PLAAT3: variants seen among roughly 807,000 people sequenced by gnomAD.
The protein encoded by PLAAT3 is Ca-independent phospholipase A1/2.
In PLAAT3, 21 loss-of-function variants were observed where a neutral mutation model predicts 16.7. The ratio of observed to expected loss-of-function variants is 1.26; its 90% CI spans 0.89 to 1.81. PLAAT3 has a LOEUF of 1.81. Ranked by LOEUF, PLAAT3 falls within the 40% of genes most tolerant of loss-of-function variation. The probability of loss-of-function intolerance (pLI) is 0.00; values close to 1 mark genes in which losing one functional copy is unlikely to be tolerated. For synonymous variants in PLAAT3, 76 were observed against 81.7 expected (o/e 0.93, Z 0.38); for missense variants, 219 against 213.7 (o/e 1.02, Z -0.16).
At chr11:63,606,558 C>T (rs1033678765) in intron 2 of PLAAT3, among the ~76,000 whole-genome samples, 19 of 152,054 alleles carry the variant, frequency 1.2e-4, no homozygotes, top group Non-Finnish European at 2.5e-4. Flanking sequence ...GGGAGCTGAG[C>T]GCTGGTGGGG....
intron 4 of PLAAT3, among the ~76,000 whole-genome samples, chr11:63,575,969 G>A (rs558410907): frequency 6.6e-6 from 1 of 152,290 alleles, no homozygotes; most frequent in Admixed American, 6.5e-5. Flanking sequence ...AGAAGGCTTA[G>A]GGGCCTAGAA....
chr11:63,613,305 G>A (rs999327882), intron 2 of PLAAT3, among the ~76,000 whole-genome samples: 2 of 152,054 alleles, frequency 1.3e-5, no homozygotes, highest in African/African-American at 4.8e-5. Context: ...CAGCTACTCG[G>A]TAGGCTGAGG....
intron 4 of PLAAT3, among the ~76,000 whole-genome samples, 190 bp downstream of exon 4, chr11:63,589,910 T>G (rs1938098012): frequency 9.8e-6 from 1 of 101,720 alleles, no homozygotes; most frequent in Non-Finnish European, 1.9e-5. Flanking sequence ...CCGACTACAC[T>G]GATCTGCATT....
At chr11:63,581,443 A>G (rs1237594761) in intron 4 of PLAAT3, among the ~76,000 whole-genome samples, 1 of 152,152 alleles carries the variant, frequency 6.6e-6, no homozygotes, top group African/African-American at 2.4e-5. Flanking sequence ...GGACTGAAAT[A>G]TGCCCTGTCT....
chr11:63,605,008 C>T (rs1938521123), intron 2 of PLAAT3, among the ~76,000 whole-genome samples: 1 of 152,146 alleles, frequency 6.6e-6, no homozygotes, highest in South Asian at 2.1e-4. Context: ...TTGCTTCCTT[C>T]TATTTTTCTA....
In PLAAT3 at chr11:63,574,740, GC is replaced by G. The variant is rs2017635931; in HGVS notation, c.*204del. On this transcript the variant is annotated 3_prime_UTR_variant, in exon 5 of 5. Coordinates refer to ENST00000415826, the MANE Select transcript of PLAAT3 (RefSeq NM_001128203.2). ...AATCCCTGACCAGGAAGACAGCCCG[GC>G]TGTTCCCTGAACAGACTTCACACCA... 1.8e-6 allele frequency: 1 copy of G among 557,808 alleles called. No homozygotes were observed. Among genetic ancestry groups the G allele is most frequent in the South Asian group, 2.3e-5 (1 of 43,976 alleles). 34.6% of individuals were successfully genotyped at this position (557,808 alleles called of 1,614,324 possible).
At chr11:63,586,571 G>A (rs1043250082) in intron 4 of PLAAT3, among the ~76,000 whole-genome samples, 5 of 152,144 alleles carry the variant, frequency 3.3e-5, no homozygotes, top group Admixed American at 1.3e-4. Context: ...TCCCAAGGTT[G>A]TCTTGTACTC....
chr11:63,596,176 C>T (rs1938281872), intron 3 of PLAAT3, among the ~76,000 whole-genome samples: 1 of 136,992 alleles, frequency 7.3e-6, no homozygotes, highest in Non-Finnish European at 1.5e-5. Context: ...GGAGGCAGAG[C>T]TTGCAGTGAG....
rs554615733 is a variant in PLAAT3 at position 63,591,078 on chromosome 11, G to T, written c.119-710C>A. ...GCAGGGAGAGGCAGGCACTGAGTATGATGATTGAAAAAGTGGGGATGGGCT... is the reference window on the plus strand; with the variant it reads ...GCAGGGAGAGGCAGGCACTGAGTATTATGATTGAAAAAGTGGGGATGGGCT... On this transcript the variant is annotated intron_variant, in intron 3 of 4. Coordinates refer to ENST00000415826, the MANE Select transcript of PLAAT3 (RefSeq NM_001128203.2). Among the ~76,000 whole-genome samples, 257 of 152,284 alleles carry T rather than the reference G, an allele frequency of 1.7e-3. 2 individuals carry two copies. The highest frequency in any genetic ancestry group is 2.4e-3 in the Non-Finnish European group (161 of 68,018).
chr11:63,575,052 A>G lies in PLAAT3; in HGVS notation c.388-6T>C, dbSNP rs2017641188. The G allele has an allele frequency of 5.0e-6, 8 of 1,592,792 alleles. No individual in the cohort carries two copies. Among genetic ancestry groups the G allele is most frequent in the Non-Finnish European group, 6.9e-6 (8 of 1,160,798 alleles). On this transcript the variant is annotated splice_region_variant and splice_polypyrimidine_tract_variant and intron_variant, in intron 4 of 4. Transcript: ENST00000415826. ...GCGATGATGACATCTCTGACCTGCA[A>G]CAAAGAAGAGGGTGGGTCACACTCT...
At position 63,590,216 on chromosome 11, in the gene PLAAT3, T is replaced by C. The variant is rs1036918193; in HGVS notation, c.271A>G (p.Lys91Glu). Residue 91 changes from lysine (K) to glutamate (E), a missense_variant, in exon 4 of 5, where the codon AAA becomes GAA. Coordinates refer to ENST00000415826, the MANE Select transcript of PLAAT3 (RefSeq NM_001128203.2). ...AGCTCCTCCGCCCGCTGGATGATTT[T>C]GCTGCAGGGCAGCGGCGAGTACTTG... ...DDKYSPLPCS[K>E]IIQRAEELVG... The C allele has an allele frequency of 1.9e-6, 3 of 1,614,246 alleles. No homozygotes were observed. Among genetic ancestry groups the C allele is most frequent in the Non-Finnish European group, 2.5e-6 (3 of 1,180,028 alleles).
intron 3 of PLAAT3, among the ~76,000 whole-genome samples, chr11:63,592,554 G>A (rs1262902657): frequency 6.6e-6 from 1 of 152,208 alleles, no homozygotes; most frequent in Non-Finnish European, 1.5e-5. Flanking sequence ...TGTGGATGTG[G>A]CAATCCATCA....
intron 3 of PLAAT3, among the ~76,000 whole-genome samples, chr11:63,593,035 C>T (rs1296796693): frequency 6.6e-6 from 1 of 152,132 alleles, no homozygotes; most frequent in Admixed American, 6.6e-5. Flanking sequence ...GCTTGTCATG[C>T]CTTCCCCAAC....
intron 2 of PLAAT3, among the ~76,000 whole-genome samples, chr11:63,601,220 A>AT (rs955344817): frequency 6.6e-6 from 1 of 150,872 alleles, no homozygotes; most frequent in African/African-American, 2.4e-5. Flanking sequence ...ACATCCGGCT[A>AT]TTTTTTTGTA....
At chr11:63,608,700 A>G (rs1347365681) in intron 2 of PLAAT3, 1 of 152,208 alleles carries the variant, frequency 6.6e-6, no homozygotes, top group African/African-American at 2.4e-5. Context: ...TGTTTATGAC[A>G]TATTTCAGGA....
chr11:63,590,995 G>A (rs1206936069), intron 3 of PLAAT3, among the ~76,000 whole-genome samples: 1 of 152,118 alleles, frequency 6.6e-6, no homozygotes, highest in Non-Finnish European at 1.5e-5. Context: ...TGGTGGACAG[G>A]GAAAGCTGAT....
In PLAAT3 at chr11:63,590,362, A is replaced by G. The variant is rs777439251; in HGVS notation, c.125T>C (p.Val42Ala). 10 of 1,613,658 alleles carry G rather than the reference A, an allele frequency of 6.2e-6. No homozygotes were observed. The Admixed American group carries it at 1.3e-4, about 22-fold the overall frequency. Residue 42 changes from valine (V) to alanine (A), a missense_variant, in exon 4 of 5, where the codon GTC (valine) becomes GCC (alanine). Val to Ala is a moderately conservative substitution (Grantham distance 64). Coordinates refer to ENST00000415826, the MANE Select transcript of PLAAT3 (RefSeq NM_001128203.2). ...YVVHLAPPSE[V>A]AGAGAASVMS... ...GACACTGGCTGCACCAGCTCCTGCG[A>G]CCTCACCTGCAGATCCACAAAGAGG... is the stretch of plus-strand genomic sequence containing the variant.
chr11:63,613,855 ACCGATGCCTCGCAGCT>A (rs1291067770), intron 2 of PLAAT3, 129 bp downstream of exon 2: 3 of 648,648 alleles, frequency 4.6e-6, no homozygotes, highest in Non-Finnish European at 8.3e-6. Context: ...CGCAGCTGAC[ACCGATGCCTCGCAGCT>A]GACAGAGGTG....
intron 2 of PLAAT3, among the ~76,000 whole-genome samples, chr11:63,601,819 T>TA (rs552731197): frequency 6.6e-6 from 1 of 150,854 alleles, no homozygotes; most frequent in South Asian, 2.1e-4. Context: ...CTACCAAAAA[T>TA]AAAAAAAATT....
Sources: allele counts gnomAD v4.1 joint callset (sites outside exome capture counted in the v4.1 genomes callset), GRCh38; gene constraint gnomAD v4.1.1; transcripts MANE v1.5; gene names NCBI Gene and HGNC (gene_info 2026-07-23, HGNC 2026-07-21).